ACER3: variants seen among roughly 807,000 people sequenced by gnomAD.
ACER3 encodes the protein alkCDase 3.
A neutral mutation model predicts 48.9 loss-of-function variants in ACER3; 16 were observed. The ratio of observed to expected loss-of-function variants is 0.33; its 90% CI spans 0.22 to 0.50. The LOEUF is 0.50. Ranked by LOEUF, ACER3 falls within the 20% of genes least tolerant of loss-of-function variation. The pLI, the probability that ACER3 is intolerant of heterozygous loss-of-function variation, is 0.98. For missense variants in ACER3, 227 were observed against 326.0 expected, an observed-to-expected ratio of 0.70 and a Z score of 2.34; for synonymous variants, 109 against 107.8, an observed-to-expected ratio of 1.01 and a Z score of -0.07.
At chr11:76,996,245 C>T (rs1385355154) in intron 6 of ACER3, among the ~76,000 whole-genome samples, 1 of 152,058 alleles carries the variant, frequency 6.6e-6, no homozygotes, top group African/African-American at 2.4e-5. Flanking sequence ...GTTCAGGTCT[C>T]TATCTCTCAC....
intron 5 of ACER3, among the ~76,000 whole-genome samples, chr11:76,988,169 T>C (rs746456953): frequency 2.0e-5 from 3 of 152,154 alleles, no homozygotes; most frequent in Non-Finnish European, 2.9e-5. Flanking sequence ...AAATTTTCAG[T>C]TGGAAGACCA....
chr11:76,967,467 C>CA (rs1948169443), intron 3 of ACER3, among the ~76,000 whole-genome samples: 2 of 152,212 alleles, frequency 1.3e-5, no homozygotes. Context: ...ATGAGGCCAG[C>CA]ATCATCCTGT....
chr11:76,928,720 C>A (rs1946906427), intron 2 of ACER3, among the ~76,000 whole-genome samples: 1 of 152,162 alleles, frequency 6.6e-6, no homozygotes, highest in Non-Finnish European at 1.5e-5. Context: ...AATAAGGAAT[C>A]CTTTCCCCAT....
At chr11:76,948,538 C>A (rs1947543893) in intron 2 of ACER3, among the ~76,000 whole-genome samples, 1 of 152,104 alleles carries the variant, frequency 6.6e-6, no homozygotes, top group African/African-American at 2.4e-5. Flanking sequence ...TACAGCCATG[C>A]ATGCCCTGGA....
At chr11:76,949,407 A>C (rs1236132421) in intron 2 of ACER3, among the ~76,000 whole-genome samples, 1 of 152,214 alleles carries the variant, frequency 6.6e-6, no homozygotes, top group Non-Finnish European at 1.5e-5. Context: ...CTTTGATGTC[A>C]CAAACAGGCA....
Position 76,971,433 on chromosome 11 carries a change from G to A in ACER3, c.268-4856G>A, listed in dbSNP as rs569992288. ...CACGCGCCCACAGTCCCAGCTACTC[G>A]GGAGGCTGAGGCAGGAGAATCACTT... On this transcript the variant is annotated intron_variant, in intron 3 of 10. Transcript: ENST00000532485. 9.8e-4 allele frequency among the ~76,000 whole-genome samples: 149 copies of A among 152,084 alleles called. 1 individual carries two copies. Among genetic ancestry groups the A allele is most frequent in the African/African-American group, 3.4e-3 (142 of 41,484 alleles).
At chr11:76,919,533 C>T (rs1033076235) in intron 1 of ACER3, among the ~76,000 whole-genome samples, 1 of 152,126 alleles carries the variant, frequency 6.6e-6, no homozygotes, top group African/African-American at 2.4e-5. Context: ...TTTCAAAAAT[C>T]TAAATCTATA....
At chr11:76,998,428 A>AAAGAGAAGAGAGGAGCTG in intron 6 of ACER3, 1 of 268,442 alleles carries the variant, frequency 3.7e-6, no homozygotes, top group South Asian at 4.6e-5. Context: ...AAGCAAAGCT[A>AAAGAGAAGAGAGGAGCTG]AAGAGAAGAG....
At chr11:77,019,648 C>T (rs868974992) in intron 9 of ACER3, 83 bp from the exon 10 acceptor site, 220 of 1,346,552 alleles carry the variant, frequency 1.6e-4, no homozygotes, top group Middle Eastern at 9.0e-4. Context: ...TGCAGAAGCA[C>T]TATGGTTACG....
chr11:77,006,225 G>A (rs1555021009), intron 7 of ACER3, among the ~76,000 whole-genome samples: 2 of 151,570 alleles, frequency 1.3e-5, no homozygotes, highest in Non-Finnish European at 1.5e-5. Flanking sequence ...CTGACCTCAG[G>A]TGATCCACCC....
intron 1 of ACER3, among the ~76,000 whole-genome samples, chr11:76,866,792 T>C (rs953357887): frequency 5.3e-5 from 8 of 152,116 alleles, no homozygotes; most frequent in African/African-American, 1.9e-4. Flanking sequence ...GAGGCAGAAA[T>C]GGTATTCAAA....
chr11:76,907,788 T>C (rs953188939), intron 1 of ACER3, among the ~76,000 whole-genome samples: 3 of 152,142 alleles, frequency 2.0e-5, no homozygotes, highest in African/African-American at 7.2e-5. Context: ...GGAGAGTCAC[T>C]TGAACCCAGG....
Position 76,872,905 on chromosome 11 carries a change from C to CTTTTTTTTTTTTTTTTTTTTTTTTTT in ACER3, c.103+11831_103+11832insTTTTTTTTTTTTTTTTTTTTTTTTTT, listed in dbSNP as rs756362938. ...TCTTTTCTTTCTTTCTTTCTTTTTTCTTTTTCTTTTTTTTTTTTTTTTTTG... is the reference window on the plus strand; with the variant it reads ...TCTTTTCTTTCTTTCTTTCTTTTTTCTTTTTTTTTTTTTTTTTTTTTTTTTTTTTTTCTTTTTTTTTTTTTTTTTTG... On this transcript the variant is annotated intron_variant, in intron 1 of 10. Coordinates refer to ENST00000532485, the MANE Select transcript of ACER3 (RefSeq NM_018367.7). Among the ~76,000 whole-genome samples the CTTTTTTTTTTTTTTTTTTTTTTTTTT allele has an allele frequency of 9.5e-5, 9 of 94,574 alleles. 2 individuals are homozygous for CTTTTTTTTTTTTTTTTTTTTTTTTTT. Among genetic ancestry groups the CTTTTTTTTTTTTTTTTTTTTTTTTTT allele is most frequent in the African/African-American group, 3.0e-4 (7 of 23,702 alleles). 62.0% of individuals were successfully genotyped at this position (94,574 alleles called of 152,430 possible). A position where few individuals can be genotyped will look rare whatever the true frequency, so the allele number is the denominator to read the frequency against.
At chr11:76,898,687 G>A (rs904729851) in intron 1 of ACER3, among the ~76,000 whole-genome samples, 9 of 151,750 alleles carry the variant, frequency 5.9e-5, no homozygotes, top group African/African-American at 2.2e-4. Flanking sequence ...GGCGGATGAC[G>A]AGGTCAGGAG....
intron 2 of ACER3, among the ~76,000 whole-genome samples, chr11:76,945,603 A>T (rs935209138): frequency 3.9e-5 from 6 of 152,168 alleles, no homozygotes; most frequent in Non-Finnish European, 5.9e-5. Flanking sequence ...TGGCAGAAGT[A>T]GGCTGTGTGT....
At position 76,927,977 on chromosome 11, in the gene ACER3, A is replaced by G. The variant is rs562065272; in HGVS notation, c.214+1310A>G. On this transcript the variant is annotated intron_variant, in intron 2 of 10. Transcript: ENST00000532485. The stretch of plus-strand genomic sequence containing the variant: ...TTATAATCCTTTGAGTATATACCCA[A>G]TAATGGGATGGCTGGGTCAAATGGT... Among the ~76,000 whole-genome samples, 1,198 of 152,184 alleles carry G rather than the reference A, an allele frequency of 7.9e-3. 8 individuals are homozygous for G. Among genetic ancestry groups the G allele is most frequent in the African/African-American group, 0.027 (1,124 of 41,532 alleles).
intron 1 of ACER3, among the ~76,000 whole-genome samples, chr11:76,866,654 CTG>C (rs1945096888): frequency 6.6e-6 from 1 of 152,174 alleles, no homozygotes; most frequent in Non-Finnish European, 1.5e-5. Flanking sequence ...AAAGTGAAGA[CTG>C]TATTTCTAAT....
chr11:76,868,092 T>C lies in ACER3; in HGVS notation c.103+7013T>C, dbSNP rs1378359083. The C allele has an allele frequency of 3.9e-6, 5 of 1,289,132 alleles. No homozygotes were observed. In the South Asian group the frequency reaches 4.9e-5, roughly 13 times the overall value. 79.9% of individuals were successfully genotyped at this position (1,289,132 alleles called of 1,614,324 possible). ...CATTTGACTGCTTGTAGCCCTTTGC[T>C]ATATTTCTTTTCTTTTCCTTTTCTC... is the stretch of plus-strand genomic sequence containing the variant. On this transcript the variant is annotated intron_variant, in intron 1 of 10. Transcript: ENST00000532485.
chr11:76,866,987 G>A (rs937359900), intron 1 of ACER3, among the ~76,000 whole-genome samples: 3 of 152,174 alleles, frequency 2.0e-5, no homozygotes, highest in African/African-American at 4.8e-5. Flanking sequence ...TTCTGACAGC[G>A]TAAACTTGGG....
Sources: allele counts gnomAD v4.1 joint callset (sites outside exome capture counted in the v4.1 genomes callset), GRCh38; gene constraint gnomAD v4.1.1; transcripts MANE v1.5; gene names NCBI Gene and HGNC (gene_info 2026-07-23, HGNC 2026-07-21).